The following TIAM2 variants were observed in gnomAD, a reference collection of about 807,000 sequenced individuals.
TIAM2 encodes TIAM Rac1 associated GEF 2.
A neutral mutation model predicts 152.9 loss-of-function variants in TIAM2; 80 were observed. The observed-to-expected ratio is 0.52, with a 90% confidence interval of 0.44 to 0.63. TIAM2 has a LOEUF of 0.63. Among genes scored for constraint, TIAM2 ranks in the 30% least tolerant of loss-of-function variants. TIAM2 has a pLI of 0.00. For synonymous variants in TIAM2, 804 were observed against 838.0 expected, an observed-to-expected ratio of 0.96 and a Z score of 0.70; for missense variants, 1,965 against 2,120.1, an observed-to-expected ratio of 0.93 and a Z score of 1.44.
At chr6:155,248,246 C>T in intron 20 of TIAM2, 67 bp downstream of exon 20, 5 of 1,518,212 alleles carry the variant, frequency 3.3e-6, no homozygotes, top group Non-Finnish European at 4.4e-6. Flanking sequence ...CAGCCGTGCC[C>T]TGGGCCTGAC....
chr6:155,059,282 C>CTCTGTG (rs754941565), intron 1 of TIAM2, among the ~76,000 whole-genome samples: 83 of 144,204 alleles, frequency 5.8e-4, no homozygotes, highest in African/African-American at 1.8e-3. Flanking sequence ...ATGTCCCTTT[C>CTCTGTG]TGTGTGTGTG....
chr6:155,048,375 G>A (rs3885955), intron 1 of TIAM2, among the ~76,000 whole-genome samples: 4,177 of 152,290 alleles, frequency 0.027, 198 homozygotes, highest in African/African-American at 0.095. Context: ...TTACAGGCGT[G>A]AGCCACCACG....
chr6:155,120,008 G>A (rs891006424), intron 2 of TIAM2, among the ~76,000 whole-genome samples: 2 of 152,152 alleles, frequency 1.3e-5, no homozygotes, highest in Non-Finnish European at 2.9e-5. Context: ...CACGACCCAC[G>A]GCTTGATCAG....
intron 13 of TIAM2, 129 bp from the exon 14 acceptor site, chr6:155,183,108 T>C (rs774082370): frequency 2.2e-5 from 27 of 1,244,410 alleles, no homozygotes; most frequent in Non-Finnish European, 3.0e-5. Context: ...TGGCACTTTC[T>C]TTGAAGAAAG....
At chr6:155,212,972 C>G (rs1196790881) in intron 15 of TIAM2, among the ~76,000 whole-genome samples, 1 of 152,158 alleles carries the variant, frequency 6.6e-6, no homozygotes, top group Non-Finnish European at 1.5e-5. Flanking sequence ...TGCATCAGTA[C>G]CTGGAAGCTT....
chr6:155,030,530 G>A (rs1008563275), intron 1 of TIAM2, among the ~76,000 whole-genome samples: 1 of 152,070 alleles, frequency 6.6e-6, no homozygotes, highest in Non-Finnish European at 1.5e-5. Flanking sequence ...CGTCCAAACC[G>A]CAAGCCTCCT....
At chr6:155,251,563 A>C (rs180961534) in intron 22 of TIAM2, among the ~76,000 whole-genome samples, 1 of 152,318 alleles carries the variant, frequency 6.6e-6, no homozygotes, top group Non-Finnish European at 1.5e-5. Flanking sequence ...CTGGGATTAC[A>C]GGCATTAGCC....
intron 2 of TIAM2, among the ~76,000 whole-genome samples, chr6:155,092,721 A>AG (rs1161418609): frequency 6.6e-6 from 1 of 151,922 alleles, no homozygotes; most frequent in Non-Finnish European, 1.5e-5. Context: ...CAGGCTTGGT[A>AG]GTGCATGTCT....
intron 8 of TIAM2, 122 bp downstream of exon 8, chr6:155,164,722 C>G (rs1780374386): frequency 8.2e-7 from 1 of 1,218,444 alleles, no homozygotes; most frequent in Non-Finnish European, 1.1e-6. Context: ...ACCTAGAGGC[C>G]AGGTCACCCA....
chr6:155,185,529 T>G (rs1264715102), intron 14 of TIAM2, among the ~76,000 whole-genome samples: 2 of 97,500 alleles, frequency 2.1e-5, no homozygotes, highest in Non-Finnish European at 4.5e-5. Context: ...TTTATTTATT[T>G]ATTTATTTAT....
chr6:155,033,896 T>C (rs1364469481), intron 1 of TIAM2, among the ~76,000 whole-genome samples: 2 of 152,076 alleles, frequency 1.3e-5, no homozygotes, highest in Non-Finnish European at 2.9e-5. Context: ...TTTGCATTTT[T>C]AGTAGAGACG....
In TIAM2 at chr6:155,176,975, A is replaced by C. The variant is rs367597153; in HGVS notation, c.2521A>C (p.Lys841Gln). ...RVEDILTLAC[K>Q]MRQLEPSHYG... ...AGAAGATATTTTGACTTTGGCATGC[A>C]AGGTAACGGATTTTGCTGCAGAAAT... is the stretch of plus-strand genomic sequence containing the variant. The change falls in exon 10 of 27, where the codon AAG (lysine) becomes CAG (glutamine). Residue 841 changes from lysine (K) to glutamine (Q), a missense_variant and splice_region_variant. Lys to Gln is a moderately conservative substitution (Grantham distance 53, BLOSUM62 1). Coordinates refer to ENST00000682666, the MANE Select transcript of TIAM2 (RefSeq NM_012454.4). 5.0e-6 allele frequency: 8 copies of C among 1,605,392 alleles called. No homozygotes were observed. Among genetic ancestry groups the C allele is most frequent in the African/African-American group, 1.3e-5 (1 of 74,456 alleles).
At chr6:155,092,349 C>G (rs1007794244) in intron 2 of TIAM2, among the ~76,000 whole-genome samples, 1 of 152,096 alleles carries the variant, frequency 6.6e-6, no homozygotes, top group Non-Finnish European at 1.5e-5. Context: ...CCGCCCGTCT[C>G]AGCCTCCCAA....
Position 155,251,966 on chromosome 6 carries a change from T to C in TIAM2, c.4082T>C (p.Leu1361Pro). Residue 1361 changes from leucine to proline, a missense_variant, in exon 23 of 27, where the codon CTG becomes CCG. Coordinates refer to ENST00000682666, the MANE Select transcript of TIAM2 (RefSeq NM_012454.4). ...TVFVFKRAVI[L>P]VYKENCKLKK... ...TTAGTTTTTAAGAGAGCCGTCATAC[T>C]GGTTTATAAAGAAAACTGCAAACTG... is the stretch of plus-strand genomic sequence containing the variant. 2 of 1,603,612 alleles carry C rather than the reference T, an allele frequency of 1.2e-6. No homozygotes were observed. The highest frequency in any genetic ancestry group is 1.7e-6 in the Non-Finnish European group (2 of 1,176,788).
intron 1 of TIAM2, among the ~76,000 whole-genome samples, chr6:155,038,256 C>T (rs1776958306): frequency 6.6e-6 from 1 of 152,162 alleles, no homozygotes; most frequent in African/African-American, 2.4e-5. Flanking sequence ...GCCTTCTGAC[C>T]ACCATCTGCC....
intron 15 of TIAM2, among the ~76,000 whole-genome samples, chr6:155,231,632 C>G (rs1448066775): frequency 6.7e-6 from 1 of 149,400 alleles, no homozygotes; most frequent in African/African-American, 2.6e-5. Flanking sequence ...GCCCTGCCAG[C>G]TTCCCCCCAA....
At chr6:155,019,198 G>T (rs1417655841) in intron 1 of TIAM2, among the ~76,000 whole-genome samples, 2 of 151,992 alleles carry the variant, frequency 1.3e-5, no homozygotes, top group Non-Finnish European at 2.9e-5. Flanking sequence ...ATTAGGCATG[G>T]TGGTGGATGC....
intron 1 of TIAM2, among the ~76,000 whole-genome samples, chr6:155,030,778 T>C (rs1237390424): frequency 6.6e-6 from 1 of 152,194 alleles, no homozygotes; most frequent in Non-Finnish European, 1.5e-5. Flanking sequence ...AATTTTTTGG[T>C]AAGTGTGGCC....
Position 155,214,365 on chromosome 6 carries a change from C to T in TIAM2, c.3168+3058C>T, listed in dbSNP as rs1781802009. On this transcript the variant is annotated intron_variant, in intron 15 of 26. Transcript: ENST00000682666. This position sits in a 1 kb window ranked among gnomAD's most constrained non-coding sequence, Gnocchi z 5.4. The stretch of plus-strand genomic sequence containing the variant: ...TACCTTTTGGGGGTTGGTGACATCC[C>T]CTGTGTGTGAGGGACCAGGTTAGAG... Among the ~76,000 whole-genome samples, 1 of 152,172 alleles carries T rather than the reference C, an allele frequency of 6.6e-6. No homozygotes were observed. The highest frequency in any genetic ancestry group is 2.1e-4 in the South Asian group (1 of 4,822).
Sources: allele counts gnomAD v4.1 joint callset (sites outside exome capture counted in the v4.1 genomes callset), GRCh38; gene constraint gnomAD v4.1.1; non-coding constraint Gnocchi (gnomAD v3.1); transcripts MANE v1.5; gene names NCBI Gene and HGNC (gene_info 2026-07-23, HGNC 2026-07-21).